ESCO2: variants seen among roughly 807,000 people sequenced by gnomAD.
The protein encoded by ESCO2 is establishment of sister chromatid cohesion N-acetyltransferase 2.
Under a neutral mutation model 61.7 loss-of-function variants are expected in ESCO2, and 51 were observed. That is an observed-to-expected ratio of 0.83 (90% CI 0.66 to 1.04). ESCO2 has a LOEUF of 1.04. Ranked by LOEUF, ESCO2 falls within the 50% of genes least tolerant of loss-of-function variation. The pLI, the probability that ESCO2 is intolerant of heterozygous loss-of-function variation, is 0.00. For synonymous variants in ESCO2, 230 were observed against 238.2 expected (o/e 0.97, Z 0.32); for missense variants, 692 against 686.2 (o/e 1.01, Z -0.09).
At chr8:27,814,599 G>GTCATTGT (rs1805775385), downstream of ESCO2, among the ~76,000 whole-genome samples, 2 of 151,938 alleles carry the variant, frequency 1.3e-5, no homozygotes, top group Non-Finnish European at 2.9e-5. Context: ...ATGAACATAG[G>GTCATTGT]TCATTGATTT....
At chr8:27,819,255 T>C in the ESCO2 span, among the ~76,000 whole-genome samples, 22 of 152,160 alleles carry the variant, frequency 1.4e-4, no homozygotes, top group Middle Eastern at 3.2e-3. Flanking sequence ...GTAGAATTTA[T>C]AGGCTATCAA....
upstream of ESCO2, chr8:27,772,508 C>T: frequency 6.5e-7 from 1 of 1,549,992 alleles, no homozygotes. Context: ...GTGGCGCCCA[C>T]TCACCGCTGC....
chr8:27,817,587 CT>C (rs1805842990), downstream of ESCO2, among the ~76,000 whole-genome samples: 1 of 151,016 alleles, frequency 6.6e-6, no homozygotes. Context: ...TATCTTGAAA[CT>C]TTTGCGCAAT....
At position 27,774,554 on chromosome 8, in the gene ESCO2, G is replaced by C; in HGVS notation, c.-70G>C. 6.6e-6 allele frequency: 1 copy of C among 152,260 alleles called. No individual in the cohort carries two copies. Among genetic ancestry groups the C allele is most frequent in the Non-Finnish European group, 1.5e-5 (1 of 68,082 alleles). 9.4% of individuals were successfully genotyped at this position (152,260 alleles called of 1,614,324 possible). On this transcript the variant is annotated 5_prime_UTR_variant, in exon 1 of 11. Coordinates refer to ENST00000305188, the MANE Select transcript of ESCO2 (RefSeq NM_001017420.3). ...GCCTGGCGCGCGATTATTTGAAGAC[G>C]CTCACGGAGCGGCTGGCTAGGCTGA...
At chr8:27,794,006 T>G (rs971328156) in intron 9 of ESCO2, among the ~76,000 whole-genome samples, 1 of 152,234 alleles carries the variant, frequency 6.6e-6, no homozygotes, top group African/African-American at 2.4e-5. Context: ...TTTTCTTTTT[T>G]GCTTGACTGA....
chr8:27,810,386 G>A (rs888426734), downstream of ESCO2: 1 of 1,610,606 alleles, frequency 6.2e-7, no homozygotes, highest in Non-Finnish European at 8.5e-7. Flanking sequence ...ATACAGAGAA[G>A]AGTTCAATTA....
downstream of ESCO2, chr8:27,812,474 T>C (rs985294733): frequency 6.6e-5 from 10 of 151,724 alleles, no homozygotes; most frequent in African/African-American, 2.2e-4. Context: ...AACAGACAAA[T>C]GGGATCTAAT....
Position 27,776,386 on chromosome 8 carries a change from G to T in ESCO2, c.78G>T (p.Leu26=), listed in dbSNP as rs753120004. Residue 26 remains leucine (L), a synonymous_variant, in exon 3 of 11, where the codon CTG becomes CTT. Coordinates refer to ENST00000305188, the MANE Select transcript of ESCO2 (RefSeq NM_001017420.3). Reference sequence around the variant, plus strand: ...GCCTTTTACACTTCACTGAAAATCTGTTTCCATCACCTAATAAAAAGCACT... The same window carrying T: ...GCCTTTTACACTTCACTGAAAATCTTTTTCCATCACCTAATAAAAAGCACT... ...CDSLLHFTEN[L]FPSPNKKHCF... is the part of the protein sequence containing the mutation. 1 of 1,607,166 alleles carries T rather than the reference G, an allele frequency of 6.2e-7. No homozygotes were observed. The highest frequency in any genetic ancestry group is 8.5e-7 in the Non-Finnish European group (1 of 1,176,802).
chr8:27,812,774 C>G (rs1689814094), downstream of ESCO2: 1 of 152,198 alleles, frequency 6.6e-6, no homozygotes, highest in South Asian at 2.1e-4. Context: ...AATGAGATAC[C>G]ATCTCATGCC....
At chr8:27,811,127 G>A, downstream of ESCO2, 1 of 1,613,808 alleles carries the variant, frequency 6.2e-7, no homozygotes, top group Non-Finnish European at 8.5e-7. Flanking sequence ...AAGCCTCAGG[G>A]TCAGTCACTG....
intron 7 of ESCO2, among the ~76,000 whole-genome samples, chr8:27,791,647 C>T (rs190122227): frequency 1.5e-4 from 23 of 152,312 alleles, no homozygotes; most frequent in African/African-American, 4.6e-4. Flanking sequence ...TCTTGAACTC[C>T]TGACCTCAAG....
At position 27,780,186 on chromosome 8, in the gene ESCO2, GAC is replaced by G; in HGVS notation, c.876_877del (p.Asp292GlufsTer8). ...AACCTATTTTCAGGATTCATCAGATGACAGAGTTTCTTCAAAGGAACATAAAG... is the reference window on the plus strand; with the variant it reads ...AACCTATTTTCAGGATTCATCAGATGAGAGTTTCTTCAAAGGAACATAAAG... ...KEKLIKDSSD[D>X]RVSSKEHKVD... is the part of the protein sequence containing the mutation. On this transcript the variant is annotated frameshift_variant, in exon 4 of 11. Transcript: ENST00000305188. LOFTEE classifies it high-confidence loss of function. The G allele has an allele frequency of 6.2e-7, 1 of 1,604,776 alleles. No individual in the cohort carries two copies. Among genetic ancestry groups the G allele is most frequent in the Non-Finnish European group, 8.5e-7 (1 of 1,172,784 alleles).
intron 9 of ESCO2, among the ~76,000 whole-genome samples, chr8:27,797,274 C>T (rs1406218099): frequency 6.6e-6 from 1 of 152,090 alleles, no homozygotes; most frequent in African/African-American, 2.4e-5. Flanking sequence ...ATGTTAGATG[C>T]ATATGTATTT....
chr8:27,806,453 G>T (rs114662852), downstream of ESCO2, among the ~76,000 whole-genome samples: 1,406 of 151,704 alleles, frequency 9.3e-3, 25 homozygotes, highest in African/African-American at 0.032. Context: ...TTTTTTCTTC[G>T]GTCTATTATT....
chr8:27,812,516 C>T (rs1805708826), downstream of ESCO2: 1 of 151,774 alleles, frequency 6.6e-6, no homozygotes, highest in South Asian at 2.1e-4. Flanking sequence ...AAGAAAGTAC[C>T]ATCAAAGTGA....
At chr8:27,815,428 T>G (rs947093302), downstream of ESCO2, among the ~76,000 whole-genome samples, 4 of 152,212 alleles carry the variant, frequency 2.6e-5, no homozygotes, top group African/African-American at 7.2e-5. Context: ...CTTTGGGCAT[T>G]ACAGTTTAGA....
At chr8:27,790,282 T>C (rs2128955497) in intron 7 of ESCO2, among the ~76,000 whole-genome samples, 1 of 152,370 alleles carries the variant, frequency 6.6e-6, no homozygotes, top group South Asian at 2.1e-4. Flanking sequence ...ATATCATTCC[T>C]GGGTTACAAA....
downstream of ESCO2, among the ~76,000 whole-genome samples, chr8:27,816,343 CTATATATA>C (rs767822258): frequency 1.8e-4 from 25 of 136,384 alleles, no homozygotes; most frequent in East Asian, 5.7e-3. Context: ...TCATCGAATA[CTATATATA>C]TATATATTTA....
chr8:27,812,773 C>A (rs1805718370), downstream of ESCO2: 1 of 152,128 alleles, frequency 6.6e-6, no homozygotes, highest in African/African-American at 2.4e-5. Context: ...CAATGAGATA[C>A]CATCTCATGC....
Sources: allele counts gnomAD v4.1 joint callset (sites outside exome capture counted in the v4.1 genomes callset), GRCh38; gene constraint gnomAD v4.1.1; transcripts MANE v1.5; gene names NCBI Gene and HGNC (gene_info 2026-07-23, HGNC 2026-07-21).